Variants in ARNT2 observed in about 807,000 individuals in gnomAD.
ARNT2 encodes the protein aryl hydrocarbon receptor nuclear translocator 2.
ARNT2 carries 36 observed loss-of-function variants against 91.7 expected under a neutral mutation model. The observed-to-expected ratio is 0.39, with a 90% confidence interval of 0.30 to 0.52. The LOEUF (loss-of-function observed/expected upper bound fraction) is 0.52, where lower values mean the gene tolerates loss of function less well. Ranked by LOEUF, ARNT2 falls within the 20% of genes least tolerant of loss-of-function variation. The pLI is 0.72. For missense variants in ARNT2, 775 were observed against 939.3 expected (o/e 0.83, Z 2.29); for synonymous variants, 365 against 347.1 (o/e 1.05, Z -0.57).
At chr15:80,538,703 G>A (rs1375269839) in intron 8 of ARNT2, among the ~76,000 whole-genome samples, 3 of 151,914 alleles carry the variant, frequency 2.0e-5, no homozygotes, top group Admixed American at 2.0e-4. Flanking sequence ...ATAATAGAAT[G>A]CCATAGGCAA....
chr15:80,465,274 C>A lies in ARNT2; in HGVS notation c.195-4944C>A, dbSNP rs150062703. 7.9e-5 allele frequency among the ~76,000 whole-genome samples: 12 copies of A among 152,318 alleles called. No homozygotes were observed. In the East Asian group the frequency reaches 2.3e-3, roughly 29 times the overall value. On this transcript the variant is annotated intron_variant, in intron 3 of 18. Coordinates refer to ENST00000303329, the MANE Select transcript of ARNT2 (RefSeq NM_014862.4). ...CTAGTGCAATCTGGGGAAATGAGCA[C>A]AAATTCTGCCCTGAGTGAGGCCTGT...
At chr15:80,516,079 C>T (rs999669816) in intron 8 of ARNT2, among the ~76,000 whole-genome samples, 2 of 152,140 alleles carry the variant, frequency 1.3e-5, no homozygotes, top group Non-Finnish European at 2.9e-5. Context: ...CCATGTTGGC[C>T]AGGCTGGTCT....
intron 1 of ARNT2, among the ~76,000 whole-genome samples, chr15:80,446,438 C>T (rs1896305586): frequency 6.6e-6 from 1 of 152,136 alleles, no homozygotes; most frequent in African/African-American, 2.4e-5. Context: ...ATGAACATGT[C>T]CTACGTGCCA....
At chr15:80,571,966 T>C (rs1050866964) in intron 12 of ARNT2, among the ~76,000 whole-genome samples, 2 of 152,140 alleles carry the variant, frequency 1.3e-5, no homozygotes, top group African/African-American at 4.8e-5. Context: ...AGTGTGAGGA[T>C]TGGATGAGAT....
intron 8 of ARNT2, among the ~76,000 whole-genome samples, chr15:80,547,341 A>T (rs1191970908): frequency 6.6e-6 from 1 of 152,204 alleles, no homozygotes; most frequent in Non-Finnish European, 1.5e-5. Flanking sequence ...ATTAAAAAAT[A>T]ATTTAAAAAT....
intron 17 of ARNT2, among the ~76,000 whole-genome samples, chr15:80,582,831 A>G (rs772616960): frequency 6.6e-6 from 1 of 152,166 alleles, no homozygotes; most frequent in African/African-American, 2.4e-5. Flanking sequence ...TACCACCTTG[A>G]GCCCAGAATC....
At chr15:80,490,998 C>A (rs1897049310) in intron 5 of ARNT2, among the ~76,000 whole-genome samples, 1 of 152,084 alleles carries the variant, frequency 6.6e-6, no homozygotes, top group South Asian at 2.1e-4. Context: ...AGGGAAAGGC[C>A]TCTGAGGAAA....
chr15:80,552,535 G>A, intron 9 of ARNT2, 105 bp from the exon 10 acceptor site: 2 of 1,392,786 alleles, frequency 1.4e-6, no homozygotes, highest in Non-Finnish European at 2.0e-6. Flanking sequence ...TGACATGGAA[G>A]GATCTTTGAA....
intron 8 of ARNT2, among the ~76,000 whole-genome samples, chr15:80,525,763 A>G (rs1897630394): frequency 6.6e-6 from 1 of 152,200 alleles, no homozygotes; most frequent in South Asian, 2.1e-4. Context: ...ACCCTATTAC[A>G]AGGTCATAGA....
intron 8 of ARNT2, among the ~76,000 whole-genome samples, chr15:80,528,467 A>C (rs530864626): frequency 6.6e-6 from 1 of 152,018 alleles, no homozygotes; most frequent in South Asian, 2.1e-4. Flanking sequence ...ACTGACATCT[A>C]TCTATCCATC....
chr15:80,528,366 T>TATC (rs1897673856), intron 8 of ARNT2, among the ~76,000 whole-genome samples: 4 of 148,768 alleles, frequency 2.7e-5, no homozygotes, highest in East Asian at 2.0e-4. Context: ...ATTTGACCAT[T>TATC]TATCTATCTA....
chr15:80,580,713 T>C (rs1898779743), intron 16 of ARNT2, 164 bp downstream of exon 16: 1 of 910,204 alleles, frequency 1.1e-6, no homozygotes, highest in African/African-American at 1.7e-5. Flanking sequence ...CCCTCAGGGC[T>C]CTCGGAGAGC....
chr15:80,510,027 T>C (rs1286652416), intron 6 of ARNT2, among the ~76,000 whole-genome samples: 10 of 152,164 alleles, frequency 6.6e-5, no homozygotes, highest in Admixed American at 1.3e-4. Context: ...GCCCCGGTTT[T>C]CTGTGGAGAG....
chr15:80,460,658 G>T (rs1236574903), intron 3 of ARNT2, among the ~76,000 whole-genome samples: 1 of 152,220 alleles, frequency 6.6e-6, no homozygotes, highest in East Asian at 1.9e-4. Flanking sequence ...AAGTCACGGG[G>T]ACCCGGGGGA....
At chr15:80,405,580 C>A (rs186238763) in intron 1 of ARNT2, among the ~76,000 whole-genome samples, 5 of 152,160 alleles carry the variant, frequency 3.3e-5, no homozygotes, top group African/African-American at 4.8e-5. Context: ...TCTAAGGCGG[C>A]CAGGGAAGGC....
chr15:80,461,454 G>A (rs1896551228), intron 3 of ARNT2, among the ~76,000 whole-genome samples: 1 of 152,246 alleles, frequency 6.6e-6, no homozygotes, highest in African/African-American at 2.4e-5. Flanking sequence ...ACGGGAAGTA[G>A]CAATGCGGTC....
chr15:80,518,811 G>A (rs896116071), intron 8 of ARNT2, among the ~76,000 whole-genome samples: 2 of 152,106 alleles, frequency 1.3e-5, no homozygotes, highest in African/African-American at 2.4e-5. Context: ...CCTCTTTTCC[G>A]TAGGTGAGAT....
intron 1 of ARNT2, chr15:80,443,140 A>C (rs1896220771): frequency 1.7e-6 from 1 of 588,146 alleles, no homozygotes; most frequent in African/African-American, 2.0e-5. Flanking sequence ...GACTGTAAGG[A>C]ACTAATGAGG....
chr15:80,496,083 G>T (rs1052567449), intron 5 of ARNT2, among the ~76,000 whole-genome samples: 2 of 152,120 alleles, frequency 1.3e-5, no homozygotes, highest in Non-Finnish European at 2.9e-5. Flanking sequence ...ACTGCAGCTT[G>T]CACTTTGTAA....
Sources: allele counts gnomAD v4.1 joint callset (sites outside exome capture counted in the v4.1 genomes callset), GRCh38; gene constraint gnomAD v4.1.1; transcripts MANE v1.5; gene names NCBI Gene and HGNC (gene_info 2026-07-23, HGNC 2026-07-21).